Variants in TMC7 observed in about 807,000 individuals in gnomAD.
TMC7 encodes transmembrane channel like 7, also known as transmembrane channel-like protein 7.
TMC7 carries 54 observed loss-of-function variants against 82.9 expected under a neutral mutation model. The observed-to-expected ratio is 0.65, with a 90% CI of 0.52 to 0.82. The LOEUF (loss-of-function observed/expected upper bound fraction) is 0.82. TMC7 is among the 40% of genes least tolerant of loss of function. The pLI is 0.00. For synonymous variants in TMC7, 350 were observed against 337.9 expected, an observed-to-expected ratio of 1.04 and a Z score of -0.39; for missense variants, 820 against 901.2, an observed-to-expected ratio of 0.91 and a Z score of 1.15.
At chr16:19,034,971 A>G (rs1030674582) in intron 6 of TMC7, among the ~76,000 whole-genome samples, 1 of 152,190 alleles carries the variant, frequency 6.6e-6, no homozygotes, top group Non-Finnish European at 1.5e-5. Context: ...AGACATATGC[A>G]CTCGTATATT....
Position 19,040,296 on chromosome 16 carries a change from A to G in TMC7, c.1187A>G (p.Asp396Gly). Residue 396 changes from aspartate (D) to glycine (G), a missense_variant, in exon 9 of 16, where the codon GAC (aspartate) becomes GGC (glycine). Asp to Gly is a moderately conservative substitution (Grantham distance 94, BLOSUM62 -1). Around this residue, in one of 2 missense-constraint regions of TMC7, gnomAD observed 650 missense variants for 669.9 expected, o/e 0.97. Coordinates refer to ENST00000304381, the MANE Select transcript of TMC7 (RefSeq NM_024847.4). ...GTTTTGTTATCCTCCTAGGAAATCGACAAGATGGTTTTTGGAGAGAACCTC... is the reference window on the plus strand; with the variant it reads ...GTTTTGTTATCCTCCTAGGAAATCGGCAAGATGGTTTTTGGAGAGAACCTC... ...FSQEHMKKEI[D>G]KMVFGENLFI... The G allele has an allele frequency of 1.2e-6, 2 of 1,613,244 alleles. No individual in the cohort carries two copies. The highest frequency in any genetic ancestry group is 1.7e-6 in the Non-Finnish European group (2 of 1,179,814).
intron 15 of TMC7, chr16:19,059,904 G>A (rs1961931005): frequency 2.2e-6 from 1 of 452,410 alleles, no homozygotes; most frequent in Non-Finnish European, 4.1e-6. Flanking sequence ...TTGAACTCAG[G>A]AGGTGGAGGT....
chr16:18,996,810 C>G (rs1596719838), intron 1 of TMC7, among the ~76,000 whole-genome samples: 1 of 152,184 alleles, frequency 6.6e-6, no homozygotes, highest in African/African-American at 2.4e-5. Context: ...ATGACCAAGG[C>G]AGGCATCCCT....
intron 1 of TMC7, among the ~76,000 whole-genome samples, chr16:18,987,352 C>T (rs1486733257): frequency 6.6e-6 from 1 of 151,926 alleles, no homozygotes; most frequent in Non-Finnish European, 1.5e-5. Context: ...ACTCTGTTGC[C>T]CAGGCTGGAG....
rs146687227 is a variant in TMC7 at position 19,001,502 on chromosome 16, G to A, written c.68-7670G>A. On this transcript the variant is annotated intron_variant, in intron 1 of 15. Coordinates refer to ENST00000304381, the MANE Select transcript of TMC7 (RefSeq NM_024847.4). The stretch of plus-strand genomic sequence containing the variant: ...TCGAGACTAGCCTGGGCAACATAAC[G>A]AGACCTCATCTCTATTAAAATATAT... Among the ~76,000 whole-genome samples, 709 of 152,176 alleles carry A rather than the reference G, an allele frequency of 4.7e-3. 6 individuals carry two copies. Among genetic ancestry groups the A allele is most frequent in the African/African-American group, 0.016 (682 of 41,532 alleles).
In TMC7 at chr16:19,056,627, A is replaced by T; in HGVS notation, c.1957A>T (p.Ser653Cys). ...CCCCAAGACGGTGAGCACCTTCCCC[A>T]GCTCGCTGCAGTCCTTCATCCATGG... Reference protein sequence around the residue: ...VIPKTVSTFPSSLQSFIHGVT... With the variant: ...VIPKTVSTFPCSLQSFIHGVT... The change falls in exon 14 of 16, where the codon AGC becomes TGC. Residue 653 changes from serine (S) to cysteine (C), a missense_variant. Physicochemically the swap from Ser to Cys is moderately radical, Grantham distance 112. Coordinates refer to ENST00000304381, the MANE Select transcript of TMC7 (RefSeq NM_024847.4). The T allele has an allele frequency of 6.2e-7, 1 of 1,614,070 alleles. No homozygotes were observed. The highest frequency in any genetic ancestry group is 2.2e-5 in the East Asian group (1 of 44,876).
Position 19,045,052 on chromosome 16 carries a change from G to A in TMC7, c.1455+51G>A, listed in dbSNP as rs1471973580. 5.0e-6 allele frequency: 7 copies of A among 1,393,884 alleles called. No individual in the cohort carries two copies. In the South Asian group the frequency reaches 6.9e-5, roughly 14 times the overall value. 86.3% of individuals were successfully genotyped at this position (1,393,884 alleles called of 1,614,324 possible). A position where few individuals can be genotyped will look rare whatever the true frequency, so the allele number is the denominator to read the frequency against. On this transcript the variant is annotated intron_variant, in intron 10 of 15. Transcript: ENST00000304381. ...GCTGGGTGGGTCCTTCTGGAATACAGTGTCATGGTCAAGAGAACAGCGGTT... is the reference window on the plus strand; with the variant it reads ...GCTGGGTGGGTCCTTCTGGAATACAATGTCATGGTCAAGAGAACAGCGGTT...
intron 1 of TMC7, among the ~76,000 whole-genome samples, chr16:19,000,429 T>C (rs1003245516): frequency 1.3e-5 from 2 of 151,956 alleles, no homozygotes; most frequent in Non-Finnish European, 2.9e-5. Flanking sequence ...ATTGCGCCAC[T>C]GCACCACTGC....
Position 19,057,509 on chromosome 16 carries a change from A to G in TMC7, c.2027+812A>G, listed in dbSNP as rs190204429. ...CAGCATAATACAAGAAGTGAGCCCAAAGAAATGTACCTGTAAAAAGGCAGG... is the reference window on the plus strand; with the variant it reads ...CAGCATAATACAAGAAGTGAGCCCAGAGAAATGTACCTGTAAAAAGGCAGG... On this transcript the variant is annotated intron_variant, in intron 14 of 15. Transcript: ENST00000304381. 1.6e-4 allele frequency among the ~76,000 whole-genome samples: 24 copies of G among 152,356 alleles called. No individual in the cohort carries two copies. In the East Asian group the frequency reaches 4.4e-3, roughly 28 times the overall value.
At chr16:18,990,514 C>T (rs1283362549) in intron 1 of TMC7, among the ~76,000 whole-genome samples, 1 of 152,138 alleles carries the variant, frequency 6.6e-6, no homozygotes, top group African/African-American at 2.4e-5. Flanking sequence ...AGGCTCGTCT[C>T]GAACTCCTGT....
intron 1 of TMC7, among the ~76,000 whole-genome samples, chr16:18,997,850 A>C (rs1465307841): frequency 3.4e-5 from 5 of 149,160 alleles, no homozygotes; most frequent in Non-Finnish European, 5.9e-5. Flanking sequence ...CTGCCTCAGC[A>C]TCCCGAGTAG....
In TMC7 at chr16:19,056,667, C is replaced by T; in HGVS notation, c.1997C>T (p.Ala666Val). ...QSFIHGVTSEAFAVPFFMIIC... is the reference protein window; with the variant it reads ...QSFIHGVTSEVFAVPFFMIIC... Reference sequence around the variant, plus strand: ...TTCATCCATGGTGTCACATCCGAAGCCTTTGCAGTTCCTTTCTTCATGATT... The same window carrying T: ...TTCATCCATGGTGTCACATCCGAAGTCTTTGCAGTTCCTTTCTTCATGATT... Residue 666 changes from alanine to valine, a missense_variant, in exon 14 of 16, where the codon GCC becomes GTC. Ala to Val is a moderately conservative substitution (Grantham distance 64). Transcript: ENST00000304381. The T allele has an allele frequency of 6.2e-7, 1 of 1,614,048 alleles. No homozygotes were observed. Among genetic ancestry groups the T allele is most frequent in the Non-Finnish European group, 8.5e-7 (1 of 1,179,992 alleles).
At chr16:19,013,306 C>T (rs549432470) in intron 2 of TMC7, among the ~76,000 whole-genome samples, 29 of 151,326 alleles carry the variant, frequency 1.9e-4, no homozygotes, top group Admixed American at 1.5e-3. Context: ...ACAACCTCTG[C>T]CTCCCGGGTT....
At chr16:19,044,434 TC>T (rs1188677645) in intron 9 of TMC7, among the ~76,000 whole-genome samples, 2 of 152,010 alleles carry the variant, frequency 1.3e-5, no homozygotes, top group East Asian at 3.9e-4. Flanking sequence ...GCTCACGTGA[TC>T]CTCTGGTCTC....
intron 5 of TMC7, among the ~76,000 whole-genome samples, chr16:19,029,707 G>A (rs184641962): frequency 2.4e-4 from 36 of 147,188 alleles, no homozygotes; most frequent in African/African-American, 8.3e-4. Context: ...TTGAGATGGA[G>A]TCTCATTCTG....
chr16:19,050,713 C>T (rs909709788), intron 12 of TMC7, among the ~76,000 whole-genome samples: 16 of 152,106 alleles, frequency 1.1e-4, no homozygotes, highest in African/African-American at 2.9e-4. Context: ...GTTGGCCAGG[C>T]TGGTCTCGAA....
At chr16:19,003,665 CTT>C (rs1373238133) in intron 1 of TMC7, among the ~76,000 whole-genome samples, 2 of 129,202 alleles carry the variant, frequency 1.5e-5, no homozygotes, top group African/African-American at 5.9e-5. Flanking sequence ...ACATGGGAGA[CTT>C]TTCATTTTGT....
intron 5 of TMC7, among the ~76,000 whole-genome samples, chr16:19,026,574 T>TG (rs1960240950): frequency 1.3e-5 from 2 of 151,954 alleles, no homozygotes; most frequent in Non-Finnish European, 2.9e-5. Flanking sequence ...TTTCTGTTTG[T>TG]GAAAAAAAAA....
intron 5 of TMC7, among the ~76,000 whole-genome samples, chr16:19,024,623 A>G (rs1180472682): frequency 2.0e-5 from 3 of 151,662 alleles, no homozygotes; most frequent in Non-Finnish European, 4.4e-5. Flanking sequence ...TAGTGGTGCA[A>G]TTGTAGCTCA....
Sources: gnomAD v4.1 joint callset for allele counts (sites outside exome capture counted in the v4.1 genomes callset) on GRCh38, gnomAD v4.1.1 for gene constraint, gnomAD v4.1.1 regional missense constraint, MANE v1.5 for transcripts, NCBI Gene and HGNC (gene_info 2026-07-23, HGNC 2026-07-21) for gene names.